SLC2A13: variants seen among roughly 807,000 people sequenced by gnomAD.
The protein encoded by SLC2A13 is solute carrier family 2 member 13.
A neutral mutation model predicts 64.4 loss-of-function variants in SLC2A13; 32 were observed. That is an observed-to-expected ratio of 0.50 (90% CI 0.37 to 0.67). The LOEUF (loss-of-function observed/expected upper bound fraction) is 0.67. SLC2A13 is among the 30% of genes least tolerant of loss of function. The pLI is 0.00. For synonymous variants in SLC2A13, 338 were observed against 327.1 expected, an observed-to-expected ratio of 1.03 and a Z score of -0.36; for missense variants, 743 against 829.2, an observed-to-expected ratio of 0.90 and a Z score of 1.28.
intron 7 of SLC2A13, among the ~76,000 whole-genome samples, chr12:39,801,250 A>T (rs866428158): frequency 7.6e-4 from 36 of 47,178 alleles, no homozygotes; most frequent in South Asian, 2.3e-3. Flanking sequence ...GTATAATTAA[A>T]AAAAAAATCA....
intron 3 of SLC2A13, among the ~76,000 whole-genome samples, chr12:39,967,660 AT>A: frequency 6.6e-6 from 1 of 152,154 alleles, no homozygotes; most frequent in Non-Finnish European, 1.5e-5. Context: ...GTGAAGAACC[AT>A]TTTCCTAGCA....
intron 3 of SLC2A13, among the ~76,000 whole-genome samples, chr12:40,014,944 C>T (rs937291457): frequency 2.6e-5 from 4 of 151,940 alleles, no homozygotes; most frequent in South Asian, 4.2e-4. Context: ...TTTCTAAGAC[C>T]GCTGAATTAA....
chr12:39,809,647 C>A lies in SLC2A13; in HGVS notation c.1445+20456G>T, dbSNP rs550135743. On this transcript the variant is annotated intron_variant, in intron 7 of 9. Coordinates refer to ENST00000280871, the MANE Select transcript of SLC2A13 (RefSeq NM_052885.4). The stretch of plus-strand genomic sequence containing the variant: ...CATCAGGTATATCTCCTAATGCTAT[C>A]CTTTCCCCATCCCCCCACCCCACAA... Among the ~76,000 whole-genome samples the A allele has an allele frequency of 1.1e-3, 172 of 152,254 alleles. 2 individuals carry two copies. The highest frequency in any genetic ancestry group is 3.8e-3 in the African/African-American group (158 of 41,542).
At chr12:39,781,228 C>T (rs1008868801) in intron 7 of SLC2A13, among the ~76,000 whole-genome samples, 1 of 152,192 alleles carries the variant, frequency 6.6e-6, no homozygotes, top group Non-Finnish European at 1.5e-5. Context: ...TCTACCAGTT[C>T]GGTGAGTGAA....
intron 4 of SLC2A13, among the ~76,000 whole-genome samples, chr12:39,881,313 G>A (rs1359145896): frequency 2.0e-5 from 3 of 151,836 alleles, no homozygotes; most frequent in African/African-American, 7.3e-5. Context: ...ATGACAATAT[G>A]AGTGTGGTTT....
At chr12:39,890,532 A>C (rs1944578445) in intron 4 of SLC2A13, among the ~76,000 whole-genome samples, 1 of 152,212 alleles carries the variant, frequency 6.6e-6, no homozygotes, top group Non-Finnish European at 1.5e-5. Flanking sequence ...TTAATAGTAG[A>C]AGACGGAGGC....
intron 1 of SLC2A13, among the ~76,000 whole-genome samples, chr12:40,063,398 C>A (rs1439700048): frequency 1.3e-5 from 2 of 150,138 alleles, no homozygotes; most frequent in Non-Finnish European, 2.9e-5. Context: ...CTTTGACAGA[C>A]AGGGGAACAA....
chr12:39,773,752 G>T (rs1940670005), intron 7 of SLC2A13, among the ~76,000 whole-genome samples: 1 of 152,148 alleles, frequency 6.6e-6, no homozygotes. Flanking sequence ...TATGACCTGT[G>T]TATAAAAACC....
At chr12:39,893,064 A>T (rs1254108551) in intron 4 of SLC2A13, among the ~76,000 whole-genome samples, 1 of 152,232 alleles carries the variant, frequency 6.6e-6, no homozygotes, top group Non-Finnish European at 1.5e-5. Context: ...GGAAACCATG[A>T]TAATTTAGTA....
At chr12:40,073,218 T>TAC (rs56277145) in intron 1 of SLC2A13, among the ~76,000 whole-genome samples, 1 of 151,712 alleles carries the variant, frequency 6.6e-6, no homozygotes, top group Non-Finnish European at 1.5e-5. Context: ...CATAAACATA[T>TAC]ACACACACAC....
intron 4 of SLC2A13, among the ~76,000 whole-genome samples, chr12:39,907,293 T>C (rs1945314087): frequency 6.6e-6 from 1 of 152,148 alleles, no homozygotes; most frequent in African/African-American, 2.4e-5. Flanking sequence ...AGAGAACATA[T>C]ATGTATTATT....
At chr12:40,080,612 G>A (rs569703426) in intron 1 of SLC2A13, among the ~76,000 whole-genome samples, 17 of 152,178 alleles carry the variant, frequency 1.1e-4, no homozygotes, top group African/African-American at 3.1e-4. Context: ...AGCTGGTCTC[G>A]AACTCCTGAC....
intron 6 of SLC2A13, among the ~76,000 whole-genome samples, chr12:39,852,884 G>A (rs1224249826): frequency 6.6e-6 from 1 of 152,082 alleles, no homozygotes; most frequent in Non-Finnish European, 1.5e-5. Context: ...ACTGGTTGTG[G>A]GCCACTCCTT....
chr12:40,001,109 A>C (rs567478033), intron 3 of SLC2A13, among the ~76,000 whole-genome samples: 2 of 152,310 alleles, frequency 1.3e-5, no homozygotes, highest in Admixed American at 1.3e-4. Context: ...TGACTCACAC[A>C]CTCAATGGAT....
chr12:39,973,564 T>G (rs1946706953), intron 3 of SLC2A13, among the ~76,000 whole-genome samples: 1 of 152,208 alleles, frequency 6.6e-6, no homozygotes, highest in Non-Finnish European at 1.5e-5. Context: ...ACATCTGCAT[T>G]GAAATATACA....
At position 39,897,254 on chromosome 12, in the gene SLC2A13, T is replaced by G. The variant is rs146169953; in HGVS notation, c.1035-25293A>C. 5.7e-3 allele frequency among the ~76,000 whole-genome samples: 873 copies of G among 152,230 alleles called. 11 individuals are homozygous for G. Among genetic ancestry groups the G allele is most frequent in the African/African-American group, 0.02 (829 of 41,526 alleles). On this transcript the variant is annotated intron_variant, in intron 4 of 9. Coordinates refer to ENST00000280871, the MANE Select transcript of SLC2A13 (RefSeq NM_052885.4). ...ATGACTAGCACATGTTAAAACACATTAGGTCAAACAGTTTAAAAGAACGTG... is the reference window on the plus strand; with the variant it reads ...ATGACTAGCACATGTTAAAACACATGAGGTCAAACAGTTTAAAAGAACGTG...
intron 4 of SLC2A13, among the ~76,000 whole-genome samples, chr12:39,942,559 C>T (rs182532683): frequency 1.3e-5 from 2 of 152,276 alleles, no homozygotes; most frequent in East Asian, 1.9e-4. Flanking sequence ...GTATATTAAT[C>T]TTGTACCAGG....
intron 1 of SLC2A13, among the ~76,000 whole-genome samples, chr12:40,065,918 A>C (rs1937700484): frequency 6.6e-6 from 1 of 152,190 alleles, no homozygotes; most frequent in Admixed American, 6.5e-5. Flanking sequence ...GTGTGACAAA[A>C]CATCCAAGGT....
intron 6 of SLC2A13, among the ~76,000 whole-genome samples, chr12:39,835,230 T>C (rs942422863): frequency 6.6e-6 from 1 of 152,072 alleles, no homozygotes; most frequent in African/African-American, 2.4e-5. Flanking sequence ...TTCAAAGTTT[T>C]CTATCTCAAG....
Sources: gnomAD v4.1 joint callset for allele counts (sites outside exome capture counted in the v4.1 genomes callset) on GRCh38, gnomAD v4.1.1 for gene constraint, MANE v1.5 for transcripts, NCBI Gene and HGNC (gene_info 2026-07-23, HGNC 2026-07-21) for gene names.